Variants in ZNF721 observed in about 807,000 individuals in gnomAD.
ZNF721 encodes zinc finger protein 721.
Under a neutral mutation model 2.4 loss-of-function variants are expected in ZNF721, and 2 were observed. The ratio of observed to expected loss-of-function variants is 0.82; its 90% confidence interval spans 0.34 to 2.58. The LOEUF (loss-of-function observed/expected upper bound fraction) is 2.58. Ranked by LOEUF, ZNF721 falls within the 30% of genes most tolerant of loss-of-function variation. The probability of loss-of-function intolerance (pLI) is 0.11; values close to 1 mark genes in which losing one functional copy is unlikely to be tolerated. For missense variants in ZNF721, 1,187 were observed against 1,085.5 expected (o/e 1.09, Z -1.31); for synonymous variants, 398 against 381.8 (o/e 1.04, Z -0.50).
chr4:441,911 A>C lies in ZNF721; in HGVS notation c.2556T>G (p.Leu852=). The change falls in exon 3 of 3, where the codon CTT becomes CTG. Residue 852 remains leucine (L), a synonymous_variant. Transcript: ENST00000511833. ...CAGTATGAATTCTCCTATGTACATA[A>C]AGGATTGCTGACTGTCTAAAGGCTT... is the stretch of plus-strand genomic sequence containing the variant. ...CGKAFRQSAI[L]YVHRRIHTGE... is the part of the protein sequence containing the mutation. 1 of 1,613,896 alleles carries C rather than the reference A, an allele frequency of 6.2e-7. No individual in the cohort carries two copies. The highest frequency in any genetic ancestry group is 8.5e-7 in the Non-Finnish European group (1 of 1,179,918).
chr4:448,836 A>C (rs1553864481), intron 2 of ZNF721, among the ~76,000 whole-genome samples: 1 of 152,250 alleles, frequency 6.6e-6, no homozygotes, highest in Admixed American at 6.5e-5. Flanking sequence ...ATTGTTACTG[A>C]AAGCAAATAA....
At chr4:468,266 CAA>C (rs782727813) in intron 2 of ZNF721, among the ~76,000 whole-genome samples, 14 of 119,982 alleles carry the variant, frequency 1.2e-4, no homozygotes, top group Admixed American at 1.7e-4. Context: ...GACTCCGACT[CAA>C]AAAAAAAAAA....
intron 1 of ZNF721, among the ~76,000 whole-genome samples, chr4:484,602 T>G (rs1440779568): frequency 6.6e-6 from 1 of 152,214 alleles, no homozygotes; most frequent in Non-Finnish European, 1.5e-5. Flanking sequence ...TCTCTTATGG[T>G]CGAGGCTGCA....
Position 443,088 on chromosome 4 carries a change from A to G in ZNF721, c.1379T>C (p.Leu460Pro). ...CGKAFIHSLH[L>P]NKHEKIHTGK... Reference sequence around the variant, plus strand: ...AGTATGAATTTTCTCATGTTTATTCAGGTGCAAGGAATGTATAAAGGCTTT... The same window carrying G: ...AGTATGAATTTTCTCATGTTTATTCGGGTGCAAGGAATGTATAAAGGCTTT... The change falls in exon 3 of 3, where the codon CTG (leucine) becomes CCG (proline). Residue 460 changes from leucine (L) to proline (P), a missense_variant. Physicochemically the swap from Leu to Pro is moderately conservative, Grantham distance 98. Transcript: ENST00000511833. The G allele has an allele frequency of 6.2e-7, 1 of 1,613,892 alleles. No homozygotes were observed. The highest frequency in any genetic ancestry group is 8.5e-7 in the Non-Finnish European group (1 of 1,179,846).
chr4:464,452 G>A (rs970075172), intron 2 of ZNF721, among the ~76,000 whole-genome samples: 1 of 125,974 alleles, frequency 7.9e-6, no homozygotes. Flanking sequence ...CTGGGCTACA[G>A]AGCGAGACTC....
intron 1 of ZNF721, among the ~76,000 whole-genome samples, chr4:490,927 C>T (rs1466045764): frequency 1.3e-5 from 2 of 150,722 alleles, no homozygotes; most frequent in Admixed American, 6.6e-5. Context: ...GCACTCTAGC[C>T]TGGCAGGCAG....
intron 2 of ZNF721, among the ~76,000 whole-genome samples, chr4:449,880 T>C (rs1309402073): frequency 1.3e-5 from 2 of 152,150 alleles, no homozygotes; most frequent in Non-Finnish European, 2.9e-5. Flanking sequence ...AGAATGACTG[T>C]AATTAGAAAG....
At chr4:461,595 G>A (rs6857424) in intron 2 of ZNF721, among the ~76,000 whole-genome samples, 26,925 of 152,148 alleles carry the variant, frequency 0.18, 2,989 homozygotes, top group Non-Finnish European at 0.23. Flanking sequence ...TTGGAAAGCC[G>A]GGTGTGGTGG....
chr4:489,620 A>T (rs1277537347), intron 1 of ZNF721, among the ~76,000 whole-genome samples: 3 of 152,064 alleles, frequency 2.0e-5, no homozygotes, highest in Non-Finnish European at 4.4e-5. Flanking sequence ...CTGTTCCCTC[A>T]CTTCCAGCAG....
At chr4:446,381 C>CTTTT in intron 2 of ZNF721, among the ~76,000 whole-genome samples, 1 of 135,056 alleles carries the variant, frequency 7.4e-6, no homozygotes, top group Non-Finnish European at 1.6e-5. Flanking sequence ...AGGAAGTTTT[C>CTTTT]TTTTTTTTTT....
intron 1 of ZNF721, among the ~76,000 whole-genome samples, chr4:493,964 A>G (rs1053941068): frequency 1.3e-5 from 2 of 152,224 alleles, no homozygotes; most frequent in South Asian, 4.1e-4. Context: ...TTTGCCAATA[A>G]TTTTAAAGCT....
chr4:491,362 G>A (rs1553871436), intron 1 of ZNF721, among the ~76,000 whole-genome samples: 1 of 152,148 alleles, frequency 6.6e-6, no homozygotes, highest in Non-Finnish European at 1.5e-5. Flanking sequence ...AGGTTGCAGT[G>A]AGCCAAGATC....
chr4:442,911 T>C lies in ZNF721; in HGVS notation c.1556A>G (p.His519Arg), dbSNP rs555476460. The change falls in exon 3 of 3, where the codon CAT becomes CGT. Residue 519 changes from histidine to arginine, a missense_variant. By Grantham distance (29) the His-to-Arg change is conservative (BLOSUM62 0). Coordinates refer to ENST00000511833, the MANE Select transcript of ZNF721 (RefSeq NM_133474.4). ...TTTCTCTCCAGTATGAATTCTCCTA[T>C]GTTTAGTAAGGGTTGTGGAACTAGT... ...AFTSSTTLTK[H>R]RRIHTGEKPY... is the part of the protein sequence containing the mutation. 3.1e-6 allele frequency: 5 copies of C among 1,614,004 alleles called. No homozygotes were observed. In the East Asian group the frequency reaches 8.9e-5, roughly 29 times the overall value.
At chr4:495,695 C>T (rs541948538) in intron 1 of ZNF721, among the ~76,000 whole-genome samples, 101 of 151,182 alleles carry the variant, frequency 6.7e-4, no homozygotes, top group African/African-American at 2.4e-3. Flanking sequence ...CTCCACCTCC[C>T]GGGTTCATAC....
At chr4:488,947 A>G (rs540517015) in intron 1 of ZNF721, among the ~76,000 whole-genome samples, 1 of 152,292 alleles carries the variant, frequency 6.6e-6, no homozygotes, top group South Asian at 2.1e-4. Flanking sequence ...AAAACACCCA[A>G]GGGACCACAC....
At chr4:459,207 T>TA (rs1411981071) in intron 2 of ZNF721, among the ~76,000 whole-genome samples, 1 of 152,102 alleles carries the variant, frequency 6.6e-6, no homozygotes, top group Non-Finnish European at 1.5e-5. Context: ...TACCAAACTG[T>TA]AAAGACCATC....
Position 444,357 on chromosome 4 carries a change from CTCAGTA to C in ZNF721, c.104_109del (p.Ile35_Leu36del), listed in dbSNP as rs1553863918. 1.1e-5 allele frequency: 17 copies of C among 1,613,776 alleles called. No individual in the cohort carries two copies. The highest frequency in any genetic ancestry group is 1.3e-5 in the African/African-American group (1 of 74,902). ...ATCATGCCCACATTTCTCATATCTT[CTCAGTA>C]TAAGTTTGTGGAATGAATCTTCTAT... On this transcript the variant is annotated inframe_deletion, in exon 3 of 3. Transcript: ENST00000511833.
chr4:476,959 G>T (rs1553868746), intron 1 of ZNF721, among the ~76,000 whole-genome samples: 1 of 152,182 alleles, frequency 6.6e-6, no homozygotes, highest in East Asian at 1.9e-4. Context: ...CTCCCAGGGT[G>T]CCACCTGGTT....
intron 1 of ZNF721, among the ~76,000 whole-genome samples, chr4:480,273 AAG>A (rs1414789399): frequency 6.6e-6 from 1 of 152,206 alleles, no homozygotes; most frequent in Non-Finnish European, 1.5e-5. Context: ...TAGTCATAAA[AAG>A]AATATTAATT....
Sources: allele counts gnomAD v4.1 joint callset (sites outside exome capture counted in the v4.1 genomes callset), GRCh38; gene constraint gnomAD v4.1.1; transcripts MANE v1.5; gene names NCBI Gene and HGNC (gene_info 2026-07-23, HGNC 2026-07-21).